Variants in LRRC37A observed in about 807,000 individuals in gnomAD.
LRRC37A encodes the protein leucine-rich repeat-containing protein 37A.
A neutral mutation model predicts 35.4 loss-of-function variants in LRRC37A; 3 were observed. The ratio of observed to expected loss-of-function variants is 0.08; its 90% CI spans 0.04 to 0.22. LRRC37A has a LOEUF of 0.22. Ranked by LOEUF, LRRC37A falls within the 10% of genes least tolerant of loss-of-function variation. LRRC37A has a pLI of 1.00. For missense variants in LRRC37A, 67 were observed against 565.3 expected (o/e 0.12, Z 8.94); for synonymous variants, 23 against 215.0 (o/e 0.11, Z 7.81).
the LRRC37A span, among the ~76,000 whole-genome samples, chr17:46,277,653 C>CTTTCTTTCTTTCTT: frequency 3.6e-5 from 5 of 137,864 alleles, no homozygotes; most frequent in Admixed American, 1.5e-4. Context: ...TTCTTTCTTT[C>CTTTCTTTCTTTCTT]TTTTTTTTTT....
chr17:46,256,421 G>C, the LRRC37A span, among the ~76,000 whole-genome samples: 1 of 151,872 alleles, frequency 6.6e-6, no homozygotes, highest in East Asian at 1.9e-4. Flanking sequence ...AAAAAAAAAA[G>C]AAGAGACCAG....
the LRRC37A span, among the ~76,000 whole-genome samples, chr17:46,281,588 C>T: frequency 1.3e-5 from 2 of 152,050 alleles, 1 homozygote; most frequent in South Asian, 4.1e-4. Context: ...CGCCACTATG[C>T]CTGGTTAATT....
the LRRC37A span, among the ~76,000 whole-genome samples, chr17:46,250,394 C>T: frequency 9.8e-5 from 15 of 152,314 alleles, no homozygotes; most frequent in East Asian, 3.9e-4. Flanking sequence ...TGGGTGTGTC[C>T]GTGAGGGTGT....
In LRRC37A at chr17:46,330,877, T is replaced by C. The variant is rs753332590; in HGVS notation, c.3600T>C (p.Ala1200=). ...GTGCCCAGGCATCTGTGGAGAACGC[T>C]GCCGAAGAAAAAAGGCTCACGAGTC... Residue 1200 remains alanine (A), a synonymous_variant, in exon 9 of 14, where the codon GCT becomes GCC. Coordinates refer to ENST00000320254, the Ensembl canonical transcript of LRRC37A. 12 of 722,902 alleles carry C rather than the reference T, an allele frequency of 1.7e-5. No homozygotes were observed. In the African/African-American group the frequency reaches 2.1e-4, roughly 12 times the overall value. 44.8% of individuals were successfully genotyped at this position (722,902 alleles called of 1,614,324 possible). A position where few individuals can be genotyped will look rare whatever the true frequency, so the allele number is the denominator to read the frequency against.
At chr17:46,282,190 T>C in the LRRC37A span, among the ~76,000 whole-genome samples, 173 of 120,906 alleles carry the variant, frequency 1.4e-3, 1 homozygote, top group Non-Finnish European at 2.3e-3. Context: ...GCAAGCTCTG[T>C]CTCCCGGGTT....
At chr17:46,255,954 G>C in the LRRC37A span, among the ~76,000 whole-genome samples, 7 of 149,812 alleles carry the variant, frequency 4.7e-5, no homozygotes, top group Non-Finnish European at 7.5e-5. Context: ...GGATTACAGG[G>C]GTGAGCCACC....
chr17:46,251,242 G>A, the LRRC37A span, among the ~76,000 whole-genome samples: 1 of 152,034 alleles, frequency 6.6e-6, no homozygotes, highest in Non-Finnish European at 1.5e-5. Flanking sequence ...CAGAGGTCAA[G>A]GACGCTGCTT....
At chr17:46,259,797 AG>A in the LRRC37A span, 1 of 1,561,410 alleles carries the variant, frequency 6.4e-7, no homozygotes, top group African/African-American at 1.4e-5. Flanking sequence ...TGAGGAACAC[AG>A]GGCTGCCCAG....
chr17:46,275,236 T>G, the LRRC37A span: 1 of 394,068 alleles, frequency 2.5e-6, no homozygotes, highest in Non-Finnish European at 4.3e-6. Context: ...GCCAATAATA[T>G]AATTGGACTG....
At chr17:46,267,510 T>A in the LRRC37A span, 1 of 1,612,960 alleles carries the variant, frequency 6.2e-7, no homozygotes, top group Non-Finnish European at 8.5e-7. Context: ...TGTCCAGAGT[T>A]TAAACCTGGT....
At chr17:46,254,700 C>A in the LRRC37A span, among the ~76,000 whole-genome samples, 1 of 149,886 alleles carries the variant, frequency 6.7e-6, no homozygotes, top group African/African-American at 2.4e-5. Flanking sequence ...TGCCACCGCG[C>A]CTGGCAATTT....
chr17:46,249,802 C>T, the LRRC37A span, among the ~76,000 whole-genome samples: 1 of 152,146 alleles, frequency 6.6e-6, no homozygotes, highest in East Asian at 1.9e-4. Context: ...CTGCAGTCAG[C>T]GCCTCTGATT....
At chr17:46,262,330 G>A in the LRRC37A span, among the ~76,000 whole-genome samples, 4 of 152,038 alleles carry the variant, frequency 2.6e-5, no homozygotes, top group South Asian at 2.1e-4. Context: ...CACTGCGCCC[G>A]GCCGATCTTC....
the LRRC37A span, chr17:46,267,083 G>A: frequency 2.8e-6 from 1 of 353,358 alleles, no homozygotes; most frequent in Middle Eastern, 7.3e-4. Context: ...GGAGCCCGGC[G>A]CCGAGCTCTG....
chr17:46,265,091 C>T, the LRRC37A span, among the ~76,000 whole-genome samples: 1 of 151,962 alleles, frequency 6.6e-6, no homozygotes, highest in Non-Finnish European at 1.5e-5. Context: ...CTCTGGTGTA[C>T]CCAAGCTTTG....
At chr17:46,265,618 A>C in the LRRC37A span, among the ~76,000 whole-genome samples, 1 of 151,818 alleles carries the variant, frequency 6.6e-6, no homozygotes, top group East Asian at 1.9e-4. Flanking sequence ...GGCTGGGACC[A>C]AGGCGTGAGC....
At chr17:46,261,573 A>C in the LRRC37A span, among the ~76,000 whole-genome samples, 1 of 146,278 alleles carries the variant, frequency 6.8e-6, no homozygotes, top group Admixed American at 6.9e-5. Context: ...CACCACACCC[A>C]GCTAATTTTT....
chr17:46,277,945 G>A, the LRRC37A span, among the ~76,000 whole-genome samples: 1 of 150,094 alleles, frequency 6.7e-6, no homozygotes, highest in African/African-American at 2.4e-5. Flanking sequence ...CCTGGTCTGG[G>A]TAGATTTTTT....
At chr17:46,248,678 C>T in the LRRC37A span, among the ~76,000 whole-genome samples, 2 of 151,932 alleles carry the variant, frequency 1.3e-5, no homozygotes, top group Admixed American at 6.5e-5. Context: ...TGCCACCACG[C>T]CTGGCTAATT....
Sources: allele counts gnomAD v4.1 joint callset (sites outside exome capture counted in the v4.1 genomes callset), GRCh38; gene constraint gnomAD v4.1.1; transcripts MANE v1.5; gene names NCBI Gene and HGNC (gene_info 2026-07-23, HGNC 2026-07-21).